Variants in ZNF716 observed in about 807,000 individuals in gnomAD.
ZNF716 encodes zinc finger protein 716.
A neutral mutation model predicts 13.4 loss-of-function variants in ZNF716; 9 were observed. The ratio of observed to expected loss-of-function variants is 0.67; its 90% CI spans 0.41 to 1.18. The LOEUF (loss-of-function observed/expected upper bound fraction) is 1.18. Ranked by LOEUF, ZNF716 falls within the 50% of genes most tolerant of loss-of-function variation. The pLI is 0.01. For synonymous variants in ZNF716, 186 were observed against 195.2 expected (o/e 0.95, Z 0.39); for missense variants, 581 against 576.6 (o/e 1.01, Z -0.08).
intron 1 of ZNF716, 43 bp from the exon 2 acceptor site, chr7:57,462,417 T>C (rs572187316): frequency 3.4e-5 from 54 of 1,594,610 alleles, no homozygotes; most frequent in Non-Finnish European, 3.3e-5. Flanking sequence ...ACTGTTTGTG[T>C]GTTCATGAGT....
chr7:57,468,650 T>G, intron 3 of ZNF716, 74 bp from the exon 4 acceptor site: 1 of 1,429,798 alleles, frequency 7.0e-7, no homozygotes, highest in Non-Finnish European at 9.4e-7. Context: ...TGTATAATTT[T>G]ATATATTTGA....
At chr7:57,452,567 G>A (rs908601567) in intron 1 of ZNF716, among the ~76,000 whole-genome samples, 2 of 152,088 alleles carry the variant, frequency 1.3e-5, no homozygotes, top group Non-Finnish European at 2.9e-5. Context: ...GCACCCAGGA[G>A]ACGGAGGTTG....
chr7:57,467,973 A>G (rs1269496052), intron 3 of ZNF716, among the ~76,000 whole-genome samples: 2 of 152,030 alleles, frequency 1.3e-5, no homozygotes, highest in Non-Finnish European at 2.9e-5. Flanking sequence ...TATTTTATAA[A>G]CATAATAATC....
chr7:57,470,125 T>G lies in ZNF716; in HGVS notation c.*176T>G. ...AAATGTAAAAAAAAAAGTAACAGCC[T>G]TTAACCACCCCTCAAACCTTAATGA... is the stretch of plus-strand genomic sequence containing the variant. On this transcript the variant is annotated 3_prime_UTR_variant, in exon 4 of 4. Transcript: ENST00000420713. 1 of 669,142 alleles carries G rather than the reference T, an allele frequency of 1.5e-6. No homozygotes were observed. The highest frequency in any genetic ancestry group is 2.3e-6 in the Non-Finnish European group (1 of 432,802). 41.5% of individuals were successfully genotyped at this position (669,142 alleles called of 1,614,324 possible). A position where few individuals can be genotyped will look rare whatever the true frequency, so the allele number is the denominator to read the frequency against.
intron 1 of ZNF716, among the ~76,000 whole-genome samples, chr7:57,459,148 A>G (rs1410722081): frequency 6.6e-6 from 1 of 152,236 alleles, no homozygotes; most frequent in African/African-American, 2.4e-5. Flanking sequence ...TTAATGATAA[A>G]CATAAGAAGA....
intron 3 of ZNF716, among the ~76,000 whole-genome samples, chr7:57,465,104 AAT>A (rs1789781061): frequency 6.6e-6 from 1 of 152,210 alleles, no homozygotes; most frequent in Non-Finnish European, 1.5e-5. Context: ...ATACTTTTAG[AAT>A]TTTGATACAG....
At chr7:57,464,230 G>A (rs543068595) in intron 3 of ZNF716, among the ~76,000 whole-genome samples, 12 of 147,120 alleles carry the variant, frequency 8.2e-5, no homozygotes, top group African/African-American at 2.8e-4. Context: ...CAAATGATTC[G>A]CCTGCCTCAG....
At chr7:57,465,302 CT>C (rs1396021144) in intron 3 of ZNF716, among the ~76,000 whole-genome samples, 3 of 151,674 alleles carry the variant, frequency 2.0e-5, no homozygotes, top group Non-Finnish European at 4.4e-5. Context: ...TACTTTTTTT[CT>C]TTTTATTCAG....
At chr7:57,455,870 T>C (rs544136094) in intron 1 of ZNF716, among the ~76,000 whole-genome samples, 4 of 151,390 alleles carry the variant, frequency 2.6e-5, no homozygotes, top group African/African-American at 9.7e-5. Flanking sequence ...ATGCCCCATC[T>C]TTCCCAAACT....
chr7:57,470,209 G>A lies in ZNF716; in HGVS notation c.*260G>A, dbSNP rs1202519137. On this transcript the variant is annotated 3_prime_UTR_variant, in exon 4 of 4. Coordinates refer to ENST00000420713, the MANE Select transcript of ZNF716 (RefSeq NM_001159279.1). Reference sequence around the variant, plus strand: ...AGACAGAGTCTCACTTTGTCACCCAGGCTGGAGTGCAGTGGCACGATGTCA... The same window carrying A: ...AGACAGAGTCTCACTTTGTCACCCAAGCTGGAGTGCAGTGGCACGATGTCA... The A allele has an allele frequency of 3.6e-6, 1 of 280,240 alleles. No homozygotes were observed. The highest frequency in any genetic ancestry group is 8.0e-5 in the East Asian group (1 of 12,564). The allele number at this position is 280,240 out of a possible 1,614,324, so 17.4% of individuals were successfully genotyped here.
At chr7:57,467,487 A>T (rs879946227) in intron 3 of ZNF716, among the ~76,000 whole-genome samples, 2 of 151,900 alleles carry the variant, frequency 1.3e-5, no homozygotes, top group Non-Finnish European at 2.9e-5. Context: ...TTTGCTGGTT[A>T]TATTATTCTC....
At chr7:57,465,439 A>G (rs1239418818) in intron 3 of ZNF716, among the ~76,000 whole-genome samples, 1 of 152,010 alleles carries the variant, frequency 6.6e-6, no homozygotes, top group Non-Finnish European at 1.5e-5. Context: ...CGCAGCCTCA[A>G]CCTCTTGTAC....
chr7:57,452,629 C>T lies in ZNF716; in HGVS notation c.39+2302C>T, dbSNP rs151160925. ...CTCCAACCTGGACAACAGATTGAGA[C>T]TCTGTCTCAGAAAGAAAAAAAAAGA... On this transcript the variant is annotated intron_variant, in intron 1 of 3. Transcript: ENST00000420713. Among the ~76,000 whole-genome samples the T allele has an allele frequency of 3.0e-4, 45 of 152,140 alleles. 2 individuals are homozygous for T. The highest frequency in any genetic ancestry group is 1.0e-3 in the African/African-American group (43 of 41,500).
At chr7:57,468,697 G>C in intron 3 of ZNF716, 27 bp from the exon 4 acceptor site, 1 of 1,579,606 alleles carries the variant, frequency 6.3e-7, no homozygotes, top group African/African-American at 1.4e-5. Context: ...AGTAAGTGGA[G>C]AAACTTGTGA....
At chr7:57,461,371 TG>T (rs1174980120) in intron 1 of ZNF716, among the ~76,000 whole-genome samples, 1 of 152,184 alleles carries the variant, frequency 6.6e-6, no homozygotes, top group East Asian at 1.9e-4. Flanking sequence ...ATAATAAAAA[TG>T]TGTCCCAGTA....
chr7:57,452,729 ACAT>A (rs1789519071), intron 1 of ZNF716, among the ~76,000 whole-genome samples: 1 of 152,108 alleles, frequency 6.6e-6, no homozygotes, highest in African/African-American at 2.4e-5. Flanking sequence ...CCAAGCACAG[ACAT>A]CATAATGTGT....
At chr7:57,450,357 G>C (rs1258325565) in intron 1 of ZNF716, 30 bp downstream of exon 1, 12 of 1,613,964 alleles carry the variant, frequency 7.4e-6, no homozygotes, top group Non-Finnish European at 1.0e-5. Flanking sequence ...CCGTGAGAGA[G>C]GGGTGGGGGC....
At chr7:57,450,427 G>A (rs948342126) in intron 1 of ZNF716, 100 bp downstream of exon 1, 7 of 1,596,812 alleles carry the variant, frequency 4.4e-6, no homozygotes, top group African/African-American at 1.3e-5. Flanking sequence ...AGTCAGCTCC[G>A]GAGTCTGAGG....
intron 1 of ZNF716, among the ~76,000 whole-genome samples, chr7:57,460,581 C>G (rs1431231558): frequency 6.6e-6 from 1 of 151,980 alleles, no homozygotes; most frequent in East Asian, 1.9e-4. Context: ...CCATAGCCTT[C>G]TATACATTCT....
Sources: gnomAD v4.1 joint callset for allele counts (sites outside exome capture counted in the v4.1 genomes callset) on GRCh38, gnomAD v4.1.1 for gene constraint, MANE v1.5 for transcripts, NCBI Gene and HGNC (gene_info 2026-07-23, HGNC 2026-07-21) for gene names.